Variants in ABTB3 observed in about 807,000 individuals in gnomAD.
ABTB3 encodes ankyrin repeat- and BTB/POZ domain-containing protein 3.
chr12:107,454,348 T>G, the ABTB3 span, among the ~76,000 whole-genome samples: 4 of 152,324 alleles, frequency 2.6e-5, no homozygotes, highest in South Asian at 8.3e-4. Context: ...CAGCAAATCA[T>G]TAAACCAACC....
At chr12:107,599,663 C>T in the ABTB3 span, among the ~76,000 whole-genome samples, 1 of 152,186 alleles carries the variant, frequency 6.6e-6, no homozygotes, top group East Asian at 1.9e-4. Context: ...ACTTAACTTC[C>T]TTTTCCACGA....
At chr12:107,356,449 A>G in the ABTB3 span, among the ~76,000 whole-genome samples, 1 of 152,170 alleles carries the variant, frequency 6.6e-6, no homozygotes, top group Non-Finnish European at 1.5e-5. Flanking sequence ...GGAGCAGAGT[A>G]CTTAGGAGCT....
chr12:107,609,897 G>T, the ABTB3 span: 1 of 349,452 alleles, frequency 2.9e-6, no homozygotes, highest in Non-Finnish European at 5.4e-6. Context: ...ATTAATTCAT[G>T]CAAAGAGCTT....
chr12:107,614,772 A>C, the ABTB3 span, among the ~76,000 whole-genome samples: 1 of 152,178 alleles, frequency 6.6e-6, no homozygotes, highest in Admixed American at 6.5e-5. Flanking sequence ...CACTGCCTTC[A>C]AGGGTAAAAT....
At chr12:107,467,799 C>G in the ABTB3 span, among the ~76,000 whole-genome samples, 336 of 152,250 alleles carry the variant, frequency 2.2e-3, 2 homozygotes, top group Non-Finnish European at 4.3e-3. Flanking sequence ...CTGTTTACAT[C>G]AAAGGTCCCT....
the ABTB3 span, among the ~76,000 whole-genome samples, chr12:107,359,258 G>A: frequency 6.6e-6 from 1 of 152,230 alleles, no homozygotes; most frequent in African/African-American, 2.4e-5. Flanking sequence ...TGTCAGGGTG[G>A]AGAGACCCTT....
the ABTB3 span, among the ~76,000 whole-genome samples, chr12:107,344,965 A>G: frequency 3.3e-5 from 5 of 152,318 alleles, no homozygotes; most frequent in East Asian, 9.7e-4. Context: ...ATTAGAAAGC[A>G]CTCAACCTCA....
At chr12:107,598,608 C>T in the ABTB3 span, among the ~76,000 whole-genome samples, 77 of 152,178 alleles carry the variant, frequency 5.1e-4, no homozygotes, top group East Asian at 0.011. Flanking sequence ...AATAAATGTT[C>T]GCATGAAATA....
chr12:107,318,809 G>A, the ABTB3 span: 21 of 1,036,158 alleles, frequency 2.0e-5, 1 homozygote, highest in Non-Finnish European at 2.7e-5. Flanking sequence ...CTAACAGTTG[G>A]TAGCAGCGGC....
At chr12:107,656,326 C>G in the ABTB3 span, among the ~76,000 whole-genome samples, 1 of 151,956 alleles carries the variant, frequency 6.6e-6, no homozygotes, top group African/African-American at 2.4e-5. Flanking sequence ...GACATGGTCT[C>G]TGGCCTTGAA....
At chr12:107,422,675 T>C in the ABTB3 span, among the ~76,000 whole-genome samples, 20,476 of 152,184 alleles carry the variant, frequency 0.13, 1,840 homozygotes, top group Admixed American at 0.25. Context: ...TGCTAACAGA[T>C]TGAATGAGGA....
the ABTB3 span, among the ~76,000 whole-genome samples, chr12:107,582,020 T>A: frequency 6.6e-6 from 1 of 152,160 alleles, no homozygotes; most frequent in Non-Finnish European, 1.5e-5. Context: ...CATTTTCAAA[T>A]CCCTTCCTAC....
chr12:107,354,952 A>G, the ABTB3 span, among the ~76,000 whole-genome samples: 1 of 152,100 alleles, frequency 6.6e-6, no homozygotes, highest in Non-Finnish European at 1.5e-5. Flanking sequence ...CTTCCTCTCT[A>G]TAGTATTGTG....
chr12:107,341,831 C>G, the ABTB3 span, among the ~76,000 whole-genome samples: 1 of 152,106 alleles, frequency 6.6e-6, no homozygotes. Context: ...GAGATCTGGC[C>G]TTTTAAAAGG....
At chr12:107,400,607 C>T in the ABTB3 span, among the ~76,000 whole-genome samples, 1 of 152,124 alleles carries the variant, frequency 6.6e-6, no homozygotes, top group African/African-American at 2.4e-5. Context: ...TACTTCCTGC[C>T]ATGTGTGAAC....
the ABTB3 span, among the ~76,000 whole-genome samples, chr12:107,332,095 G>A: frequency 9.3e-4 from 141 of 152,356 alleles, no homozygotes; most frequent in Admixed American, 1.6e-3. Context: ...ATTTCCCTGA[G>A]CCCCACAGTG....
the ABTB3 span, among the ~76,000 whole-genome samples, chr12:107,365,027 A>T: frequency 6.6e-6 from 1 of 152,180 alleles, no homozygotes; most frequent in Non-Finnish European, 1.5e-5. Flanking sequence ...GGGAGGTAGC[A>T]TTCGCAGTGT....
chr12:107,474,667 G>A, the ABTB3 span, among the ~76,000 whole-genome samples: 1 of 152,164 alleles, frequency 6.6e-6, no homozygotes, highest in African/African-American at 2.4e-5. Context: ...AGGACAGGTA[G>A]AGAGAAAATG....
At chr12:107,481,616 T>C in the ABTB3 span, among the ~76,000 whole-genome samples, 1 of 152,136 alleles carries the variant, frequency 6.6e-6, no homozygotes, top group African/African-American at 2.4e-5. Context: ...GCTGTGGTTG[T>C]GTATCCATGA....
Sources: gnomAD v4.1 joint callset for allele counts (sites outside exome capture counted in the v4.1 genomes callset) on GRCh38, gnomAD v4.1.1 for gene constraint, MANE v1.5 for transcripts, NCBI Gene and HGNC (gene_info 2026-07-23, HGNC 2026-07-21) for gene names.